Variants in SLC37A3 observed in about 807,000 individuals in gnomAD.
SLC37A3 encodes sugar phosphate exchanger 3.
SLC37A3 carries 51 observed loss-of-function variants against 67.1 expected under a neutral mutation model. The ratio of observed to expected loss-of-function variants is 0.76; its 90% CI spans 0.61 to 0.96. SLC37A3 has a LOEUF of 0.96. Among genes scored for constraint, SLC37A3 ranks in the 40% least tolerant of loss-of-function variants. The pLI, the probability that SLC37A3 is intolerant of heterozygous loss-of-function variation, is 0.00. For missense variants in SLC37A3, 508 were observed against 603.0 expected (o/e 0.84, Z 1.65); for synonymous variants, 214 against 231.4 (o/e 0.92, Z 0.68).
Position 140,362,932 on chromosome 7 carries a change from G to C in SLC37A3, c.375+1476C>G, listed in dbSNP as rs1326646401. On this transcript the variant is annotated intron_variant, in intron 5 of 14. Transcript: ENST00000326232. ...GGGGGGTCGGCCAGCCGCCCTGTCC[G>C]GGAGGGAGGTGGCGGGGTCAGCCCC... is the stretch of plus-strand genomic sequence containing the variant. 2.6e-5 allele frequency among the ~76,000 whole-genome samples: 2 copies of C among 77,978 alleles called. 1 individual carries two copies. The highest frequency in any genetic ancestry group is 5.5e-5 in the Non-Finnish European group (2 of 36,152). The allele number at this position is 77,978 out of a possible 152,430, so 51.2% of individuals were successfully genotyped here.
chr7:140,388,666 T>C (rs1798604605), intron 1 of SLC37A3, among the ~76,000 whole-genome samples: 2 of 151,232 alleles, frequency 1.3e-5, no homozygotes, highest in Non-Finnish European at 2.9e-5. Flanking sequence ...CAAAAATTAG[T>C]TGGGCGTGGT....
chr7:140,377,148 T>C (rs188488773), intron 3 of SLC37A3, among the ~76,000 whole-genome samples: 85 of 152,064 alleles, frequency 5.6e-4, no homozygotes, highest in African/African-American at 2.0e-3. Context: ...TGTCGCCATG[T>C]TGGCCAGGCT....
chr7:140,362,399 G>T (rs1391261948), intron 5 of SLC37A3, among the ~76,000 whole-genome samples: 1 of 116,858 alleles, frequency 8.6e-6, no homozygotes, highest in Non-Finnish European at 1.8e-5. Context: ...CCCGGCAGCC[G>T]CCCCGTCCGG....
At position 140,350,967 on chromosome 7, in the gene SLC37A3, G is replaced by A. The variant is rs77980157; in HGVS notation, c.882+306C>T. 3.9e-3 allele frequency among the ~76,000 whole-genome samples: 599 copies of A among 152,186 alleles called. 4 individuals carry two copies. The highest frequency in any genetic ancestry group is 0.014 in the Middle Eastern group (4 of 294). On this transcript the variant is annotated intron_variant, in intron 9 of 14. Coordinates refer to ENST00000326232, the MANE Select transcript of SLC37A3 (RefSeq NM_207113.3). ...GAGCTCTTTGGCCAAGTCTGGCCAC[G>A]TCTAACTGTCCCATGTTTTCTGTGG...
chr7:140,335,161 C>CT lies in SLC37A3; in HGVS notation c.*250dup. 1 of 1,478,682 alleles carries CT rather than the reference C, an allele frequency of 6.8e-7. No individual in the cohort carries two copies. Among genetic ancestry groups the CT allele is most frequent in the South Asian group, 1.3e-5 (1 of 78,020 alleles). The allele number at this position is 1,478,682 out of a possible 1,614,324, so 91.6% of individuals were successfully genotyped here. On this transcript the variant is annotated 3_prime_UTR_variant, in exon 15 of 15. Transcript: ENST00000326232. ...CGGGCAGAGTCAGAGGTCAAAGATG[C>CT]TGGCAGAGTCAGAAGTCACTCGGCA...
chr7:140,368,453 G>A (rs529427868), intron 4 of SLC37A3, among the ~76,000 whole-genome samples: 1 of 152,266 alleles, frequency 6.6e-6, no homozygotes, highest in Admixed American at 6.5e-5. Flanking sequence ...TGCAATCCCA[G>A]CTACTCAGGA....
intron 5 of SLC37A3, among the ~76,000 whole-genome samples, chr7:140,359,784 CA>C (rs1797191376): frequency 6.6e-6 from 1 of 152,028 alleles, no homozygotes; most frequent in Non-Finnish European, 1.5e-5. Context: ...GAAAAATGAT[CA>C]GGGGTTGCCA....
At chr7:140,370,265 A>T (rs1426425110) in intron 3 of SLC37A3, among the ~76,000 whole-genome samples, 3 of 152,166 alleles carry the variant, frequency 2.0e-5, no homozygotes, top group Non-Finnish European at 4.4e-5. Context: ...AAGGGCAATT[A>T]ATGTATCACC....
intron 13 of SLC37A3, among the ~76,000 whole-genome samples, chr7:140,338,442 T>A (rs1201579904): frequency 6.6e-6 from 1 of 152,142 alleles, no homozygotes; most frequent in Non-Finnish European, 1.5e-5. Context: ...TAACTTAGCA[T>A]AATGCTTTCA....
intron 6 of SLC37A3, 146 bp from the exon 7 acceptor site, chr7:140,355,910 A>C: frequency 3.2e-5 from 20 of 626,558 alleles, no homozygotes; most frequent in Non-Finnish European, 3.6e-5. Flanking sequence ...ATACACTAAA[A>C]TGGGCTGGGC....
At chr7:140,335,586 T>C (rs1796102895) in intron 14 of SLC37A3, 82 bp from the exon 15 acceptor site, 2 of 1,481,652 alleles carry the variant, frequency 1.3e-6, no homozygotes, top group Admixed American at 3.6e-5. Context: ...ATAATGGATT[T>C]GGACAATTAC....
At chr7:140,335,573 A>T in intron 14 of SLC37A3, 69 bp from the exon 15 acceptor site, 1 of 1,534,532 alleles carries the variant, frequency 6.5e-7, no homozygotes, top group South Asian at 1.1e-5. Flanking sequence ...TGTTTTGAAC[A>T]TAATAATGGA....
chr7:140,350,794 A>C (rs1796761867), intron 9 of SLC37A3, among the ~76,000 whole-genome samples: 1 of 152,170 alleles, frequency 6.6e-6, no homozygotes, highest in African/African-American at 2.4e-5. Context: ...AAAAAATAAA[A>C]GGGGGCAAGG....
chr7:140,360,505 G>A (rs1797222904), intron 5 of SLC37A3, among the ~76,000 whole-genome samples: 1 of 152,010 alleles, frequency 6.6e-6, no homozygotes, highest in Non-Finnish European at 1.5e-5. Flanking sequence ...AGGCTGGGGT[G>A]GGCAGATCAC....
At chr7:140,370,933 CT>C (rs1358714455) in intron 3 of SLC37A3, among the ~76,000 whole-genome samples, 1 of 152,178 alleles carries the variant, frequency 6.6e-6, no homozygotes, top group Non-Finnish European at 1.5e-5. Flanking sequence ...AGAAAACGAT[CT>C]TTGTATAACA....
intron 5 of SLC37A3, among the ~76,000 whole-genome samples, chr7:140,361,458 G>C (rs553740278): frequency 1.4e-5 from 2 of 141,034 alleles, no homozygotes; most frequent in East Asian, 4.3e-4. Flanking sequence ...CTCCAGCCTG[G>C]GCAACAAGAG....
At chr7:140,370,243 T>A (rs547245117) in intron 3 of SLC37A3, among the ~76,000 whole-genome samples, 1 of 152,172 alleles carries the variant, frequency 6.6e-6, no homozygotes, top group Admixed American at 6.5e-5. Context: ...ATTCAACATG[T>A]CATGATCAAA....
intron 4 of SLC37A3, among the ~76,000 whole-genome samples, chr7:140,367,736 G>A (rs1187934289): frequency 6.6e-6 from 1 of 151,542 alleles, no homozygotes; most frequent in Non-Finnish European, 1.5e-5. Flanking sequence ...AGACAGAGAC[G>A]CCAGCTGCCT....
At chr7:140,346,241 G>T (rs560438492) in intron 10 of SLC37A3, among the ~76,000 whole-genome samples, 4 of 152,090 alleles carry the variant, frequency 2.6e-5, no homozygotes, top group African/African-American at 4.8e-5. Flanking sequence ...TTAGCCGGGC[G>T]TGGTGGCGGG....
Sources: allele counts gnomAD v4.1 joint callset (sites outside exome capture counted in the v4.1 genomes callset), GRCh38; gene constraint gnomAD v4.1.1; transcripts MANE v1.5; gene names NCBI Gene and HGNC (gene_info 2026-07-23, HGNC 2026-07-21).